The following FSTL4 variants were observed in gnomAD, a reference collection of about 807,000 sequenced individuals.
The protein encoded by FSTL4 is follistatin like 4.
In FSTL4, 28 loss-of-function variants were observed where a neutral mutation model predicts 78.2. That is an observed-to-expected ratio of 0.36 (90% confidence interval 0.27 to 0.49). The LOEUF (loss-of-function observed/expected upper bound fraction) is 0.49. Among genes scored for constraint, FSTL4 ranks in the 20% least tolerant of loss-of-function variants. The probability of loss-of-function intolerance (pLI) is 0.98; values close to 1 mark genes in which losing one functional copy is unlikely to be tolerated. For synonymous variants in FSTL4, 422 were observed against 440.5 expected (o/e 0.96, Z 0.53); for missense variants, 922 against 1,084.9 (o/e 0.85, Z 2.11).
chr5:133,199,249 T>C lies in FSTL4; in HGVS notation c.2375A>G (p.His792Arg), dbSNP rs1371562016. The part of the protein sequence containing the change: ...AGPAQPWGGT[H>R]RIMRDSGLFG... The stretch of plus-strand genomic sequence containing the variant: ...CAGCCCACTGTCCCTCATGATTCTG[T>C]GGGTACCCCCCCAGGGCTGAGCTGG... Residue 792 changes from histidine (H) to arginine (R), a missense_variant, in exon 16 of 16, where the codon CAC (histidine) becomes CGC (arginine). Physicochemically the swap from His to Arg is conservative, Grantham distance 29. Coordinates refer to ENST00000265342, the MANE Select transcript of FSTL4 (RefSeq NM_015082.2). The surrounding 1 kb of genome is among the most constrained non-coding windows in gnomAD (Gnocchi z 4.4). 6.2e-7 allele frequency: 1 copy of C among 1,613,780 alleles called. No homozygotes were observed. Among genetic ancestry groups the C allele is most frequent in the South Asian group, 1.1e-5 (1 of 91,068 alleles).
chr5:133,350,335 G>A (rs1754795939), intron 4 of FSTL4, among the ~76,000 whole-genome samples: 1 of 110,184 alleles, frequency 9.1e-6, no homozygotes, highest in African/African-American at 3.3e-5. Flanking sequence ...CCCCTTCTGG[G>A]GACCAGCACT....
intron 2 of FSTL4, among the ~76,000 whole-genome samples, chr5:133,590,957 G>A (rs978132558): frequency 1.3e-5 from 2 of 152,186 alleles, no homozygotes; most frequent in African/African-American, 4.8e-5. Flanking sequence ...TGAGGATGGA[G>A]CATGGAGCCT....
chr5:133,288,547 G>C (rs887056840), intron 6 of FSTL4, among the ~76,000 whole-genome samples: 1 of 152,220 alleles, frequency 6.6e-6, no homozygotes, highest in African/African-American at 2.4e-5. Flanking sequence ...GCCACGAGGG[G>C]CTCAAAACCT....
intron 2 of FSTL4, among the ~76,000 whole-genome samples, chr5:133,582,932 A>T (rs1760460601): frequency 6.6e-6 from 1 of 152,124 alleles, no homozygotes; most frequent in Non-Finnish European, 1.5e-5. Context: ...CCCATAGCGC[A>T]GGGGTGCTCA....
At chr5:133,499,201 A>T (rs1215681894) in intron 3 of FSTL4, among the ~76,000 whole-genome samples, 1 of 152,158 alleles carries the variant, frequency 6.6e-6, no homozygotes, top group Non-Finnish European at 1.5e-5. Context: ...TCTGCAAAGC[A>T]GCTTTCACGC....
chr5:133,708,323 C>T, the FSTL4 span, among the ~76,000 whole-genome samples: 1 of 152,152 alleles, frequency 6.6e-6, no homozygotes, highest in Non-Finnish European at 1.5e-5. Flanking sequence ...GGTTTCCTGG[C>T]AACGCCCTTT....
At chr5:133,723,751 C>T in the FSTL4 span, among the ~76,000 whole-genome samples, 1 of 152,268 alleles carries the variant, frequency 6.6e-6, no homozygotes, top group Admixed American at 6.5e-5. Context: ...CCTTTTGATC[C>T]CTGGGGGATA....
intron 4 of FSTL4, among the ~76,000 whole-genome samples, chr5:133,348,133 T>C (rs1203475131): frequency 6.6e-6 from 1 of 152,214 alleles, no homozygotes; most frequent in African/African-American, 2.4e-5. Flanking sequence ...AAAAGTATGG[T>C]GCACAGAGCA....
intron 8 of FSTL4, among the ~76,000 whole-genome samples, chr5:133,232,060 G>T (rs918625007): frequency 6.6e-6 from 1 of 152,156 alleles, no homozygotes; most frequent in Non-Finnish European, 1.5e-5. Context: ...TGAACTGTGG[G>T]GAGGTCAAGG....
chr5:133,597,994 A>T (rs1027241029), intron 2 of FSTL4, among the ~76,000 whole-genome samples: 22 of 152,126 alleles, frequency 1.4e-4, no homozygotes, highest in African/African-American at 5.3e-4. Context: ...CAAGAGTGAG[A>T]GTTACCTGTC....
At chr5:133,554,824 G>A (rs1759756041) in intron 3 of FSTL4, among the ~76,000 whole-genome samples, 1 of 152,218 alleles carries the variant, frequency 6.6e-6, no homozygotes, top group Non-Finnish European at 1.5e-5. Context: ...GCATGGGGGA[G>A]TTTAGCATCT....
the FSTL4 span, among the ~76,000 whole-genome samples, chr5:133,629,416 G>T: frequency 6.6e-6 from 1 of 152,118 alleles, no homozygotes; most frequent in South Asian, 2.1e-4. Flanking sequence ...TAAATTTCTG[G>T]ACACATACAC....
Position 133,395,584 on chromosome 5 carries a change from C to A in FSTL4, c.409+5154G>T, listed in dbSNP as rs569020830. 3.3e-5 allele frequency among the ~76,000 whole-genome samples: 5 copies of A among 152,336 alleles called. No homozygotes were observed. In the South Asian group the frequency reaches 8.3e-4, roughly 25 times the overall value. On this transcript the variant is annotated intron_variant, in intron 4 of 15. Transcript: ENST00000265342. ...CACTGGTCAGCTTGAGTTCAGACTT[C>A]CCTGCTTGGCACACAAGGCCTTTCC...
chr5:133,355,855 C>G (rs1754930304), intron 4 of FSTL4, among the ~76,000 whole-genome samples: 1 of 152,214 alleles, frequency 6.6e-6, no homozygotes, highest in African/African-American at 2.4e-5. Context: ...CTGAGAAACT[C>G]CTTGAAACCA....
intron 6 of FSTL4, among the ~76,000 whole-genome samples, chr5:133,307,035 T>C (rs1753673149): frequency 1.3e-5 from 2 of 152,254 alleles, no homozygotes; most frequent in African/African-American, 2.4e-5. Context: ...TGAATAACTC[T>C]GTGCACGGTT....
the FSTL4 span, among the ~76,000 whole-genome samples, chr5:133,774,085 AAC>A: frequency 2.0e-5 from 3 of 152,204 alleles, no homozygotes; most frequent in Non-Finnish European, 4.4e-5. Flanking sequence ...CTCTAGAGAG[AAC>A]ACACACAGAG....
intron 3 of FSTL4, among the ~76,000 whole-genome samples, chr5:133,517,341 T>C (rs947486561): frequency 6.3e-5 from 9 of 142,328 alleles, no homozygotes; most frequent in Non-Finnish European, 1.1e-4. Context: ...AAGAATTGCT[T>C]GAGCCTGGGA....
At chr5:133,667,115 C>T in the FSTL4 span, among the ~76,000 whole-genome samples, 2 of 152,196 alleles carry the variant, frequency 1.3e-5, no homozygotes, top group African/African-American at 2.4e-5. Context: ...CCCTAACTTT[C>T]TCCGTCTCGA....
At chr5:133,823,395 C>G in the FSTL4 span, among the ~76,000 whole-genome samples, 1 of 152,190 alleles carries the variant, frequency 6.6e-6, no homozygotes, top group East Asian at 1.9e-4. Context: ...CTCTCCCCAG[C>G]CCTGCACTCT....
Sources: gnomAD v4.1 joint callset for allele counts (sites outside exome capture counted in the v4.1 genomes callset) on GRCh38, gnomAD v4.1.1 for gene constraint, Gnocchi (gnomAD v3.1) non-coding constraint, MANE v1.5 for transcripts, NCBI Gene and HGNC (gene_info 2026-07-23, HGNC 2026-07-21) for gene names.